The following FRMPD4 variants were observed in gnomAD, a reference collection of about 807,000 sequenced individuals.
The protein encoded by FRMPD4 is FERM and PDZ domain containing 4.
A neutral mutation model predicts 94.1 loss-of-function variants in FRMPD4; 22 were observed. The ratio of observed to expected loss-of-function variants is 0.23; its 90% CI spans 0.17 to 0.33. The LOEUF (loss-of-function observed/expected upper bound fraction) is 0.33. Among genes scored for constraint, FRMPD4 ranks in the 10% least tolerant of loss-of-function variants. The probability of loss-of-function intolerance (pLI) is 1.00; values close to 1 mark genes in which losing one functional copy is unlikely to be tolerated. For synonymous variants in FRMPD4, 631 were observed against 548.6 expected (o/e 1.15, Z -2.10); for missense variants, 1,111 against 1,339.9 (o/e 0.83, Z 2.67).
At chrX:12,316,323 T>G (rs767504283) in intron 1 of FRMPD4, among the ~76,000 whole-genome samples, 8 of 100,608 alleles carry the variant, frequency 8.0e-5, no homozygotes, top group South Asian at 4.1e-4. Context: ...ATTTTTGTGT[T>G]TTTTTTTTTA....
At chrX:12,460,881 A>C (rs2057384293) in intron 1 of FRMPD4, among the ~76,000 whole-genome samples, 2 of 112,029 alleles carry the variant, frequency 1.8e-5, no homozygotes, top group Non-Finnish European at 3.8e-5. Flanking sequence ...TTCTATATTC[A>C]AATATTTTTC....
At chrX:12,143,728 G>C (rs185397801) in intron 1 of FRMPD4, among the ~76,000 whole-genome samples, 1 of 111,892 alleles carries the variant, frequency 8.9e-6, no homozygotes, top group South Asian at 3.8e-4. Flanking sequence ...GGGCACACAC[G>C]TCAAATTGAG....
chrX:11,978,321 C>CAAAAAAAAA (rs1172824155), intron 3 of FRMPD4, among the ~76,000 whole-genome samples: 1 of 16,365 alleles, frequency 6.1e-5, no homozygotes, highest in African/African-American at 2.2e-4. Flanking sequence ...AACTCCATCT[C>CAAAAAAAAA]AAAAAAAAAA....
intron 1 of FRMPD4, among the ~76,000 whole-genome samples, chrX:12,176,938 T>G (rs767166467): frequency 1.2e-4 from 13 of 112,093 alleles, no homozygotes; most frequent in Non-Finnish European, 2.1e-4. Context: ...AATATAAAAT[T>G]GATTAAAACA....
intron 3 of FRMPD4, among the ~76,000 whole-genome samples, chrX:12,122,917 C>T (rs1308185896): frequency 1.8e-5 from 2 of 111,242 alleles, no homozygotes; most frequent in Non-Finnish European, 3.8e-5. Flanking sequence ...AGCAAATATA[C>T]ATATCTATAA....
At chrX:12,351,860 A>G (rs1302094058) in intron 1 of FRMPD4, among the ~76,000 whole-genome samples, 2 of 112,913 alleles carry the variant, frequency 1.8e-5, no homozygotes, top group African/African-American at 3.2e-5. Flanking sequence ...ATAGAATTCT[A>G]TTGAATGAAT....
chrX:12,568,529 T>C (rs1172948891), intron 2 of FRMPD4, among the ~76,000 whole-genome samples: 2 of 112,496 alleles, frequency 1.8e-5, no homozygotes, highest in African/African-American at 6.4e-5. Flanking sequence ...CTTCATAAAA[T>C]TCCATTGTAT....
chrX:12,486,494 C>A (rs987320065), intron 1 of FRMPD4, among the ~76,000 whole-genome samples: 1 of 112,487 alleles, frequency 8.9e-6, no homozygotes, highest in Non-Finnish European at 1.9e-5. Flanking sequence ...GAAACATTCA[C>A]AGTTGCAGAT....
chrX:11,879,054 A>G (rs928012455), intron 3 of FRMPD4, among the ~76,000 whole-genome samples: 4 of 112,108 alleles, frequency 3.6e-5, no homozygotes, highest in African/African-American at 1.3e-4. Context: ...TGTCTACAAC[A>G]CTTTTGAGAT....
intron 1 of FRMPD4, among the ~76,000 whole-genome samples, chrX:11,833,552 A>C (rs966039664): frequency 3.6e-5 from 4 of 111,802 alleles, no homozygotes; most frequent in Non-Finnish European, 7.5e-5. Context: ...AATGCCCCCC[A>C]AAATGATAAT....
At chrX:12,439,636 G>T (rs921301429) in intron 1 of FRMPD4, among the ~76,000 whole-genome samples, 1 of 111,696 alleles carries the variant, frequency 9.0e-6, no homozygotes, top group Admixed American at 9.5e-5. Flanking sequence ...AGCTCATTTC[G>T]TTTTGTTTTC....
At chrX:12,387,284 G>A (rs2056409526) in intron 1 of FRMPD4, among the ~76,000 whole-genome samples, 1 of 112,230 alleles carries the variant, frequency 8.9e-6, no homozygotes, top group Admixed American at 9.4e-5. Context: ...CCACAGATAT[G>A]TTAAACTTGC....
intron 1 of FRMPD4, among the ~76,000 whole-genome samples, chrX:12,262,098 C>G (rs1005607793): frequency 9.0e-6 from 1 of 110,850 alleles, no homozygotes; most frequent in Non-Finnish European, 1.9e-5. Flanking sequence ...GCCCACTGAC[C>G]AAATCTTGTC....
chrX:11,852,580 G>C (rs756924141), intron 1 of FRMPD4, among the ~76,000 whole-genome samples: 1 of 111,150 alleles, frequency 9.0e-6, no homozygotes, highest in African/African-American at 3.3e-5. Flanking sequence ...TACTTTAAAA[G>C]AATTCTTACT....
At chrX:12,457,471 T>G (rs191668390) in intron 1 of FRMPD4, among the ~76,000 whole-genome samples, 1 of 111,773 alleles carries the variant, frequency 8.9e-6, no homozygotes, top group African/African-American at 3.2e-5. Flanking sequence ...GTTAGTACTT[T>G]GTTGAATCAC....
At chrX:12,130,752 G>A (rs1395598784) in intron 3 of FRMPD4, among the ~76,000 whole-genome samples, 2 of 110,609 alleles carry the variant, frequency 1.8e-5, no homozygotes, top group Non-Finnish European at 3.8e-5. Context: ...GTTATTCAAC[G>A]TGATTTGATT....
At chrX:11,904,427 C>T (rs184462040) in intron 3 of FRMPD4, among the ~76,000 whole-genome samples, 1 of 112,128 alleles carries the variant, frequency 8.9e-6, no homozygotes, top group African/African-American at 3.2e-5. Context: ...ATCCTTGATC[C>T]TCTTAGATGA....
At chrX:12,072,666 G>A (rs142980718) in intron 3 of FRMPD4, among the ~76,000 whole-genome samples, 43 of 111,679 alleles carry the variant, frequency 3.9e-4, no homozygotes, top group Admixed American at 6.7e-4. Flanking sequence ...TAGCTTATTG[G>A]AGTGGTTTTG....
chrX:11,882,900 T>C (rs756112005), intron 3 of FRMPD4, among the ~76,000 whole-genome samples: 6 of 111,658 alleles, frequency 5.4e-5, no homozygotes, highest in African/African-American at 2.0e-4. Flanking sequence ...GTATAGGGTT[T>C]GGTCTTAACT....
Sources: allele counts gnomAD v4.1 joint callset (sites outside exome capture counted in the v4.1 genomes callset), GRCh38; gene constraint gnomAD v4.1.1; transcripts MANE v1.5; gene names NCBI Gene and HGNC (gene_info 2026-07-23, HGNC 2026-07-21).